The following SLC6A19 variants were observed in gnomAD, a reference collection of about 807,000 sequenced individuals.
SLC6A19 encodes solute carrier family 6 member 19, also known as sodium-dependent neutral amino acid transporter B(0)AT1.
SLC6A19 carries 67 observed loss-of-function variants against 68.3 expected under a neutral mutation model. That is an observed-to-expected ratio of 0.98 (90% CI 0.81 to 1.20). SLC6A19 has a LOEUF of 1.20. Ranked by LOEUF, SLC6A19 falls within the 50% of genes most tolerant of loss-of-function variation. The pLI is 0.00. For missense variants in SLC6A19, 813 were observed against 851.6 expected, an observed-to-expected ratio of 0.95 and a Z score of 0.56; for synonymous variants, 392 against 374.9, an observed-to-expected ratio of 1.05 and a Z score of -0.53.
intron 1 of SLC6A19, among the ~76,000 whole-genome samples, chr5:1,204,010 G>T (rs1266361779): frequency 6.6e-6 from 1 of 152,174 alleles, no homozygotes; most frequent in Non-Finnish European, 1.5e-5. Flanking sequence ...CTGCGTCCCT[G>T]GGAGGCCACA....
chr5:1,214,011 C>G lies in SLC6A19; in HGVS notation c.833C>G (p.Ser278Cys), dbSNP rs747819240. The G allele has an allele frequency of 2.5e-6, 4 of 1,613,778 alleles. No homozygotes were observed. The highest frequency in any genetic ancestry group is 3.4e-6 in the Non-Finnish European group (4 of 1,180,004). ...WLDAGAQVFF[S>C]FSLAFGGLIS... The stretch of plus-strand genomic sequence containing the variant: ...GACGCGGGCGCACAGGTCTTCTTCT[C>G]CTTCTCCCTGGCCTTCGGGGGCCTC... The change falls in exon 6 of 12, where the codon TCC becomes TGC. Residue 278 changes from serine to cysteine, a missense_variant. By Grantham distance (112) the Ser-to-Cys change is moderately radical (BLOSUM62 -1). Transcript: ENST00000304460. The surrounding 1 kb of genome is among the most constrained non-coding windows in gnomAD (Gnocchi z 7.4).
At chr5:1,219,442 C>G (rs1746302899) in intron 9 of SLC6A19, 63 bp from the exon 10 acceptor site, 1 of 1,597,314 alleles carries the variant, frequency 6.3e-7, no homozygotes, top group Non-Finnish European at 8.5e-7. Context: ...GTGTGAACAG[C>G]TCTGTCCCTG....
At chr5:1,219,764 G>A in intron 10 of SLC6A19, 100 bp downstream of exon 10, 1 of 1,527,192 alleles carries the variant, frequency 6.5e-7, no homozygotes, top group African/African-American at 1.4e-5. Context: ...GGTACGGAGG[G>A]AGAGTCTATG....
Position 1,214,038 on chromosome 5 carries a change from TCTC to T in SLC6A19, c.863_865del (p.Ser288del). On this transcript the variant is annotated inframe_deletion, in exon 6 of 12. Coordinates refer to ENST00000304460, the MANE Select transcript of SLC6A19 (RefSeq NM_001003841.3). This position sits in a 1 kb window ranked among gnomAD's most constrained non-coding sequence, Gnocchi z 7.4. ...TTCTCCCTGGCCTTCGGGGGCCTCA[TCTC>T]CTTCTCCAGCTACAACTCTGTGCAG... is the stretch of plus-strand genomic sequence containing the variant. 1 of 1,613,820 alleles carries T rather than the reference TCTC, an allele frequency of 6.2e-7. No individual in the cohort carries two copies. Among genetic ancestry groups the T allele is most frequent in the Admixed American group, 1.7e-5 (1 of 60,022 alleles).
At chr5:1,211,483 G>A (rs1446720418) in intron 3 of SLC6A19, among the ~76,000 whole-genome samples, 1 of 152,232 alleles carries the variant, frequency 6.6e-6, no homozygotes, top group Non-Finnish European at 1.5e-5. Context: ...TGAGGCCCAG[G>A]GTGCACCTGA....
In SLC6A19 at chr5:1,207,114, G is replaced by GC. The variant is rs1745876755; in HGVS notation, c.203-1630dup. Reference sequence around the variant, plus strand: ...GCGCGGTGCCAGGCCAGCCTCGGAAGCCGGGCGCCACGGCCTGCACTCACC... The same window carrying GC: ...GCGCGGTGCCAGGCCAGCCTCGGAAGCCCGGGCGCCACGGCCTGCACTCACC... On this transcript the variant is annotated intron_variant, in intron 1 of 11. Coordinates refer to ENST00000304460, the MANE Select transcript of SLC6A19 (RefSeq NM_001003841.3). 2.0e-5 allele frequency among the ~76,000 whole-genome samples: 3 copies of GC among 152,358 alleles called. No individual in the cohort carries two copies. The South Asian group carries it at 6.2e-4, about 32-fold the overall frequency.
rs1473206687 is a variant in SLC6A19 at position 1,221,236 on chromosome 5, A to T, written c.1624A>T (p.Met542Leu). The T allele has an allele frequency of 2.5e-6, 4 of 1,614,020 alleles. No individual in the cohort carries two copies. Among genetic ancestry groups the T allele is most frequent in the Non-Finnish European group, 3.4e-6 (4 of 1,180,024 alleles). Residue 542 changes from methionine (M) to leucine (L), a missense_variant, in exon 11 of 12, where the codon ATG (methionine) becomes TTG (leucine). By Grantham distance (15) the Met-to-Leu change is conservative. Coordinates refer to ENST00000304460, the MANE Select transcript of SLC6A19 (RefSeq NM_001003841.3). Reference protein sequence around the residue: ...VTWRVVSPLLMLIIFLFFFVV... With the variant: ...VTWRVVSPLLLLIIFLFFFVV... ...GTGGCGCGTGGTCAGCCCCCTGCTC[A>T]TGCTGATCATCTTCCTCTTCTTCTT...
chr5:1,222,162 G>C lies in SLC6A19; in HGVS notation c.*258G>C. 1.7e-6 allele frequency: 1 copy of C among 599,090 alleles called. No homozygotes were observed. The highest frequency in any genetic ancestry group is 2.0e-5 in the South Asian group (1 of 50,354). The allele number at this position is 599,090 out of a possible 1,614,324, so 37.1% of individuals were successfully genotyped here. A position where few individuals can be genotyped will look rare whatever the true frequency, so the allele number is the denominator to read the frequency against. ...GTGGGTGTGTGTATTGTATGTGCAT[G>C]TGCCATGTGTGCAGATGTGTCATGT... is the stretch of plus-strand genomic sequence containing the variant. On this transcript the variant is annotated 3_prime_UTR_variant, in exon 12 of 12. Coordinates refer to ENST00000304460, the MANE Select transcript of SLC6A19 (RefSeq NM_001003841.3).
chr5:1,222,974 C>G lies in SLC6A19; in HGVS notation c.*1070C>G, dbSNP rs866009122. 1 of 152,262 alleles carries G rather than the reference C, an allele frequency of 6.6e-6. No homozygotes were observed. The highest frequency in any genetic ancestry group is 1.5e-5 in the Non-Finnish European group (1 of 68,068). The allele number at this position is 152,262 out of a possible 1,614,324, so 9.4% of individuals were successfully genotyped here. ...ACTATCTTGGCTCCTGGGAGCGACT[C>G]TTGCTACCCACCCCCACCCATCCCC... is the stretch of plus-strand genomic sequence containing the variant. On this transcript the variant is annotated 3_prime_UTR_variant, in exon 12 of 12. Transcript: ENST00000304460.
At chr5:1,216,156 G>A (rs1396828829) in intron 6 of SLC6A19, among the ~76,000 whole-genome samples, 1 of 152,220 alleles carries the variant, frequency 6.6e-6, no homozygotes, top group Non-Finnish European at 1.5e-5. Flanking sequence ...CAGCTGGACA[G>A]GACGCCTAGG....
At chr5:1,208,513 C>T (rs547255522) in intron 1 of SLC6A19, among the ~76,000 whole-genome samples, 9 of 152,286 alleles carry the variant, frequency 5.9e-5, no homozygotes, top group East Asian at 1.9e-4. Context: ...GTCCCATAGG[C>T]GACCTCAGCC....
chr5:1,207,653 T>A (rs980939035), intron 1 of SLC6A19, among the ~76,000 whole-genome samples: 1 of 152,196 alleles, frequency 6.6e-6, no homozygotes, highest in Non-Finnish European at 1.5e-5. Flanking sequence ...GATCAGCACA[T>A]CCCTATCTTC....
At chr5:1,220,285 C>T (rs971541955) in intron 10 of SLC6A19, among the ~76,000 whole-genome samples, 1 of 151,864 alleles carries the variant, frequency 6.6e-6, no homozygotes, top group Admixed American at 6.6e-5. Context: ...TGGTGCATGC[C>T]TGTAATCCCA....
In SLC6A19 at chr5:1,202,023, G is replaced by A. The variant is rs999921417; in HGVS notation, c.202+171G>A. ...GGGGCCCCCACGGGCCCCCGTGCCC[G>A]GTTCCTAGGCTGCTGGTGAGGAGAT... is the stretch of plus-strand genomic sequence containing the variant. On this transcript the variant is annotated intron_variant, in intron 1 of 11. Coordinates refer to ENST00000304460, the MANE Select transcript of SLC6A19 (RefSeq NM_001003841.3). Among the ~76,000 whole-genome samples the A allele has an allele frequency of 5.9e-5, 9 of 152,300 alleles. No individual in the cohort carries two copies. In the South Asian group the frequency reaches 8.3e-4, roughly 14 times the overall value.
At position 1,218,932 on chromosome 5, in the gene SLC6A19, C is replaced by T. The variant is rs755469809; in HGVS notation, c.1203C>T (p.Ile401=). 8.1e-6 allele frequency: 13 copies of T among 1,613,794 alleles called. No homozygotes were observed. The highest frequency in any genetic ancestry group is 1.0e-5 in the Non-Finnish European group (12 of 1,180,026). ...EAVEGTGLAF[I]VFTEAITKMP... is the part of the protein sequence containing the mutation. ...TGGAGGGCACAGGCCTGGCCTTCAT[C>T]GTCTTCACCGAGGCCATCACCAAGA... Residue 401 remains isoleucine (I), a synonymous_variant, in exon 9 of 12, where the codon ATC becomes ATT. Coordinates refer to ENST00000304460, the MANE Select transcript of SLC6A19 (RefSeq NM_001003841.3).
At chr5:1,206,786 C>T (rs1278088479) in intron 1 of SLC6A19, among the ~76,000 whole-genome samples, 1 of 152,138 alleles carries the variant, frequency 6.6e-6, no homozygotes. Context: ...GTGAGCATCC[C>T]CACAGCCCTC....
At chr5:1,217,027 C>A in intron 8 of SLC6A19, 82 bp downstream of exon 8, 1 of 1,600,032 alleles carries the variant, frequency 6.2e-7, no homozygotes, top group South Asian at 1.1e-5. Flanking sequence ...GGGCCCCTGG[C>A]CTGTGGAGGA....
At position 1,209,079 on chromosome 5, in the gene SLC6A19, A is replaced by G. The variant is rs142111802; in HGVS notation, c.343+193A>G. On this transcript the variant is annotated intron_variant, in intron 2 of 11. Coordinates refer to ENST00000304460, the MANE Select transcript of SLC6A19 (RefSeq NM_001003841.3). This position sits in a 1 kb window ranked among gnomAD's most constrained non-coding sequence, Gnocchi z 5.5. ...AAACTCCAGGCCACTCCTGTTCACCAGGAACCAGACAGGCCAGCAGAGGCC... is the reference window on the plus strand; with the variant it reads ...AAACTCCAGGCCACTCCTGTTCACCGGGAACCAGACAGGCCAGCAGAGGCC... Among the ~76,000 whole-genome samples, 1,501 of 152,316 alleles carry G rather than the reference A, an allele frequency of 9.9e-3. 23 individuals are homozygous for G. Among genetic ancestry groups the G allele is most frequent in the African/African-American group, 0.035 (1,434 of 41,562 alleles).
rs1417876607 is a variant in SLC6A19, at chr5:1,213,453, C to T, written c.664-10C>T. ...CTTCCCGCCCATCCCACATGTCCCG[C>T]CCTCCGCAGGCCGTGTACATCACCT... On this transcript the variant is annotated splice_polypyrimidine_tract_variant and intron_variant, in intron 4 of 11. Transcript: ENST00000304460. 6.3e-7 allele frequency: 1 copy of T among 1,594,052 alleles called. No individual in the cohort carries two copies. The highest frequency in any genetic ancestry group is 1.7e-5 in the Admixed American group (1 of 58,206).
Sources: gnomAD v4.1 joint callset for allele counts (sites outside exome capture counted in the v4.1 genomes callset) on GRCh38, gnomAD v4.1.1 for gene constraint, Gnocchi (gnomAD v3.1) non-coding constraint, MANE v1.5 for transcripts, NCBI Gene and HGNC (gene_info 2026-07-23, HGNC 2026-07-21) for gene names.